KCNN2: variants seen among roughly 807,000 people sequenced by gnomAD.
The protein encoded by KCNN2 is small conductance calcium-activated potassium channel protein 2.
KCNN2 carries 24 observed loss-of-function variants against 55.5 expected under a neutral mutation model. That is an observed-to-expected ratio of 0.43 (90% CI 0.31 to 0.61). KCNN2 has a LOEUF of 0.61. Among genes scored for constraint, KCNN2 ranks in the 20% least tolerant of loss-of-function variants. KCNN2 has a pLI of 0.08. For synonymous variants in KCNN2, 431 were observed against 336.1 expected (o/e 1.28, Z -3.09); for missense variants, 754 against 853.6 (o/e 0.88, Z 1.45).
intron 2 of KCNN2, among the ~76,000 whole-genome samples, chr5:114,400,570 A>C (rs1490428580): frequency 6.6e-6 from 1 of 152,206 alleles, no homozygotes; most frequent in Non-Finnish European, 1.5e-5. Context: ...CTGTTTGGAT[A>C]CCATGGGTCA....
chr5:114,101,914 A>G (rs531371033), intron 1 of KCNN2, among the ~76,000 whole-genome samples: 9 of 152,162 alleles, frequency 5.9e-5, no homozygotes, highest in Non-Finnish European at 8.8e-5. Flanking sequence ...GTGTCTTTAT[A>G]GTAGAATGAT....
chr5:114,489,694 C>CTT (rs1037814280), intron 6 of KCNN2, among the ~76,000 whole-genome samples: 4 of 152,080 alleles, frequency 2.6e-5, no homozygotes, highest in African/African-American at 9.7e-5. Flanking sequence ...ATCATGCATA[C>CTT]TTACCTTTCA....
intron 1 of KCNN2, among the ~76,000 whole-genome samples, chr5:114,154,998 A>G (rs1752600656): frequency 6.6e-6 from 1 of 151,692 alleles, no homozygotes; most frequent in African/African-American, 2.4e-5. Flanking sequence ...TATTAAGACT[A>G]GTATCTATTA....
chr5:114,411,954 T>C (rs337710), intron 3 of KCNN2, among the ~76,000 whole-genome samples: 78,573 of 152,134 alleles, frequency 0.52, 22,462 homozygotes, highest in African/African-American at 0.77. Context: ...AATAAAACTA[T>C]ATACAACATA....
chr5:114,484,090 GT>G (rs1762347892), intron 5 of KCNN2, among the ~76,000 whole-genome samples: 1 of 152,130 alleles, frequency 6.6e-6, no homozygotes, highest in African/African-American at 2.4e-5. Context: ...ATGAGAAGAA[GT>G]TTTTATGTAT....
chr5:114,167,169 C>G (rs536879698), intron 1 of KCNN2, among the ~76,000 whole-genome samples: 5 of 152,222 alleles, frequency 3.3e-5, no homozygotes, highest in African/African-American at 1.2e-4. Flanking sequence ...ATTTCAGGCC[C>G]TAACCTACTA....
chr5:114,394,904 T>A (rs894414161), intron 2 of KCNN2, among the ~76,000 whole-genome samples: 2 of 152,206 alleles, frequency 1.3e-5, no homozygotes, highest in Non-Finnish European at 2.9e-5. Flanking sequence ...TTTATGTGGC[T>A]GCTTCTCCCT....
chr5:114,065,285 AGCT>A (rs1561460467), intron 1 of KCNN2, among the ~76,000 whole-genome samples: 1 of 152,208 alleles, frequency 6.6e-6, no homozygotes, highest in East Asian at 1.9e-4. Flanking sequence ...CCCCATGGGA[AGCT>A]AACTCCACAT....
intron 2 of KCNN2, among the ~76,000 whole-genome samples, chr5:114,299,292 C>T (rs939895511): frequency 6.6e-6 from 1 of 152,082 alleles, no homozygotes; most frequent in African/African-American, 2.4e-5. Context: ...GTCCGATGGT[C>T]ATTCCTGAAT....
intron 1 of KCNN2, among the ~76,000 whole-genome samples, chr5:114,200,781 G>A (rs528083797): frequency 6.6e-6 from 1 of 151,992 alleles, no homozygotes; most frequent in Non-Finnish European, 1.5e-5. Flanking sequence ...GAGTTCTTTG[G>A]CAGTGGTCAG....
At chr5:114,297,750 T>G (rs1345387030) in intron 2 of KCNN2, among the ~76,000 whole-genome samples, 1 of 152,174 alleles carries the variant, frequency 6.6e-6, no homozygotes. Context: ...ATAATATTGA[T>G]TTAGACATTA....
intron 1 of KCNN2, among the ~76,000 whole-genome samples, chr5:114,104,093 C>G (rs1389258122): frequency 6.6e-6 from 1 of 152,070 alleles, no homozygotes; most frequent in African/African-American, 2.4e-5. Context: ...ATTACTGCCT[C>G]AATTTCAGAA....
chr5:114,072,657 G>T (rs942503216), intron 1 of KCNN2, among the ~76,000 whole-genome samples: 1 of 152,108 alleles, frequency 6.6e-6, no homozygotes, highest in Non-Finnish European at 1.5e-5. Context: ...AAGACAGCAC[G>T]TGAGGTAGAA....
intron 1 of KCNN2, among the ~76,000 whole-genome samples, chr5:114,220,203 C>A (rs936692580): frequency 6.6e-6 from 1 of 152,082 alleles, no homozygotes; most frequent in Non-Finnish European, 1.5e-5. Context: ...CTTGGCTTAA[C>A]AAATAATACA....
chr5:114,214,780 G>GTTGTAGTTTCAGTTGTAGGTCTT (rs1204820794), intron 1 of KCNN2, among the ~76,000 whole-genome samples: 1 of 152,092 alleles, frequency 6.6e-6, no homozygotes, highest in Non-Finnish European at 1.5e-5. Flanking sequence ...GTGCCTTTCA[G>GTTGTAGTTTCAGTTGTAGGTCTT]TCATCCAAGA....
intron 2 of KCNN2, among the ~76,000 whole-genome samples, chr5:114,310,821 G>C (rs563555564): frequency 6.6e-6 from 1 of 152,214 alleles, no homozygotes; most frequent in South Asian, 2.1e-4. Context: ...GTTCAATTCT[G>C]TTCCATGTGT....
chr5:114,370,617 G>C (rs964839239), intron 2 of KCNN2, among the ~76,000 whole-genome samples: 2 of 152,028 alleles, frequency 1.3e-5, no homozygotes, highest in African/African-American at 4.8e-5. Context: ...AGGGAAAGAA[G>C]TATCCAGTAT....
At chr5:114,116,041 G>A (rs1751702916) in intron 1 of KCNN2, among the ~76,000 whole-genome samples, 1 of 152,116 alleles carries the variant, frequency 6.6e-6, no homozygotes, top group African/African-American at 2.4e-5. Flanking sequence ...GATCTACATA[G>A]AATGAAAGGA....
chr5:114,348,841 T>C (rs1440760142), intron 2 of KCNN2, among the ~76,000 whole-genome samples: 1 of 152,182 alleles, frequency 6.6e-6, no homozygotes, highest in Non-Finnish European at 1.5e-5. Context: ...ATTGATACTT[T>C]CATTTTAGCA....
Sources: gnomAD v4.1 joint callset for allele counts (sites outside exome capture counted in the v4.1 genomes callset) on GRCh38, gnomAD v4.1.1 for gene constraint, MANE v1.5 for transcripts, NCBI Gene and HGNC (gene_info 2026-07-23, HGNC 2026-07-21) for gene names.